Variants in BEND4 observed in about 807,000 individuals in gnomAD.
BEND4 encodes the protein BEN domain-containing protein 4.
In BEND4, 27 loss-of-function variants were observed where a neutral mutation model predicts 54.7. The ratio of observed to expected loss-of-function variants is 0.49; its 90% confidence interval spans 0.36 to 0.68. The LOEUF (loss-of-function observed/expected upper bound fraction) is 0.68, where lower values mean the gene tolerates loss of function less well. Among genes scored for constraint, BEND4 ranks in the 30% least tolerant of loss-of-function variants. The pLI, the probability that BEND4 is intolerant of heterozygous loss-of-function variation, is 0.00. For missense variants in BEND4, 702 were observed against 697.2 expected (o/e 1.01, Z -0.08); for synonymous variants, 327 against 299.5 (o/e 1.09, Z -0.95).
rs1359953255 is a variant in BEND4 at position 42,151,864 on chromosome 4, C to T, written c.280G>A (p.Ala94Thr). 5.3e-6 allele frequency: 7 copies of T among 1,313,504 alleles called. No individual in the cohort carries two copies. In the Admixed American group the frequency reaches 2.5e-4, roughly 47 times the overall value. The allele number at this position is 1,313,504 out of a possible 1,614,324, so 81.4% of individuals were successfully genotyped here. Reference sequence around the variant, plus strand: ...GGCGACGACGACGAAGCGGCGGCGGCGGCCCGGCCGGGCCCGGGGGGGTAG... The same window carrying T: ...GGCGACGACGACGAAGCGGCGGCGGTGGCCCGGCCGGGCCCGGGGGGGTAG... ...SSYPPGPGRA[A>T]AAASSSSPSC... is the part of the protein sequence containing the mutation. The change falls in exon 2 of 6, where the codon GCC becomes ACC. Residue 94 changes from alanine to threonine, a missense_variant. Coordinates refer to ENST00000502486, the MANE Select transcript of BEND4 (RefSeq NM_207406.4).
At chr4:42,149,490 C>T (rs1721187215) in intron 2 of BEND4, among the ~76,000 whole-genome samples, 2 of 152,184 alleles carry the variant, frequency 1.3e-5, no homozygotes, top group Admixed American at 6.5e-5. Context: ...ACGAGGGATC[C>T]AGCCCTTGGT....
chr4:42,128,912 G>C (rs1720403214), intron 3 of BEND4, among the ~76,000 whole-genome samples: 1 of 152,082 alleles, frequency 6.6e-6, no homozygotes, highest in Admixed American at 6.5e-5. Flanking sequence ...CTCCAGCTTG[G>C]GCGACTGAAT....
chr4:42,131,830 T>C (rs1166652731), intron 3 of BEND4, among the ~76,000 whole-genome samples: 4 of 151,350 alleles, frequency 2.6e-5, no homozygotes, highest in African/African-American at 9.7e-5. Context: ...CCAGGTGTTC[T>C]GAGTGCCTCC....
At chr4:42,150,394 T>A (rs1479054921) in intron 2 of BEND4, among the ~76,000 whole-genome samples, 1 of 152,212 alleles carries the variant, frequency 6.6e-6, no homozygotes, top group Non-Finnish European at 1.5e-5. Context: ...ATGCAACAGA[T>A]CAAGTCTTCA....
intron 4 of BEND4, among the ~76,000 whole-genome samples, chr4:42,123,702 A>AACAAAAAAACAAAAAC (rs71200210): frequency 0.14 from 20,610 of 144,386 alleles, 1,562 homozygotes; most frequent in African/African-American, 0.21. Context: ...CAGAAAAAAA[A>AACAAAAAAACAAAAAC]AAAAAAAAAA....
At chr4:42,128,553 G>A (rs1277815918) in intron 3 of BEND4, among the ~76,000 whole-genome samples, 2 of 151,806 alleles carry the variant, frequency 1.3e-5, no homozygotes, top group Non-Finnish European at 2.9e-5. Context: ...GAACCCGGGA[G>A]GCGGAGCTTG....
chr4:42,117,864 G>A (rs1240618987), intron 5 of BEND4, 129 bp from the exon 6 acceptor site: 9 of 639,998 alleles, frequency 1.4e-5, no homozygotes, highest in African/African-American at 7.4e-5. Context: ...GAAATCCAAC[G>A]CAATGCCATG....
intron 4 of BEND4, among the ~76,000 whole-genome samples, chr4:42,124,447 T>C (rs914323701): frequency 9.2e-5 from 14 of 151,810 alleles, no homozygotes; most frequent in African/African-American, 3.4e-4. Context: ...TGGAGAACAG[T>C]AGATGGAAAA....
In BEND4 at chr4:42,112,432, C is replaced by T. The variant is rs1038667633; in HGVS notation, c.*5086G>A. ...TCCAATGTGGCCAGGATACATCTGG[C>T]CACTTGTACTGGCCCAATTATTCCA... On this transcript the variant is annotated 3_prime_UTR_variant, in exon 6 of 6. Coordinates refer to ENST00000502486, the MANE Select transcript of BEND4 (RefSeq NM_207406.4). 6.6e-6 allele frequency: 1 copy of T among 152,170 alleles called. No homozygotes were observed. The highest frequency in any genetic ancestry group is 1.5e-5 in the Non-Finnish European group (1 of 68,040). The allele number at this position is 152,170 out of a possible 1,614,324, so 9.4% of individuals were successfully genotyped here. A position where few individuals can be genotyped will look rare whatever the true frequency, so the allele number is the denominator to read the frequency against.
At chr4:42,145,561 G>A (rs549019795) in intron 2 of BEND4, among the ~76,000 whole-genome samples, 15 of 151,892 alleles carry the variant, frequency 9.9e-5, no homozygotes, top group Admixed American at 3.3e-4. Flanking sequence ...ACATGGTGGC[G>A]CGCACCTGTA....
rs376472165 is a variant in BEND4, at chr4:42,152,569, T to G, written c.-271A>C. The G allele has an allele frequency of 2.2e-3, 344 of 153,188 alleles. 3 individuals are homozygous for G. The highest frequency in any genetic ancestry group is 8.0e-3 in the African/African-American group (331 of 41,384). 9.5% of individuals were successfully genotyped at this position (153,188 alleles called of 1,614,324 possible). On this transcript the variant is annotated 5_prime_UTR_variant, in exon 1 of 6. Coordinates refer to ENST00000502486, the MANE Select transcript of BEND4 (RefSeq NM_207406.4). Reference sequence around the variant, plus strand: ...CGGGAACTGGTGAAGAAGGTGGGGATCCGGGATCTGGCTACGGCGAGACTT... The same window carrying G: ...CGGGAACTGGTGAAGAAGGTGGGGAGCCGGGATCTGGCTACGGCGAGACTT...
rs778841413 is a variant in BEND4, at chr4:42,112,453, T to A, written c.*5065A>T. 3 of 152,204 alleles carry A rather than the reference T, an allele frequency of 2.0e-5. No individual in the cohort carries two copies. Among genetic ancestry groups the A allele is most frequent in the African/African-American group, 4.8e-5 (2 of 41,442 alleles). The allele number at this position is 152,204 out of a possible 1,614,324, so 9.4% of individuals were successfully genotyped here. On this transcript the variant is annotated 3_prime_UTR_variant, in exon 6 of 6. Transcript: ENST00000502486. ...CTGGCCACTTGTACTGGCCCAATTATTCCAAGAATAAAGAGGTTTTCAAAT... is the reference window on the plus strand; with the variant it reads ...CTGGCCACTTGTACTGGCCCAATTAATCCAAGAATAAAGAGGTTTTCAAAT...
chr4:42,128,962 T>G (rs1251997326), intron 3 of BEND4, among the ~76,000 whole-genome samples: 3 of 152,102 alleles, frequency 2.0e-5, no homozygotes, highest in Non-Finnish European at 4.4e-5. Flanking sequence ...AGAAAGCTTA[T>G]TCAAATAGGA....
intron 3 of BEND4, among the ~76,000 whole-genome samples, chr4:42,132,747 A>T (rs1187446977): frequency 1.3e-5 from 2 of 151,964 alleles, no homozygotes; most frequent in Non-Finnish European, 2.9e-5. Context: ...ACCCAGCCTA[A>T]ATTAGGAATT....
intron 3 of BEND4, 55 bp downstream of exon 3, chr4:42,143,373 G>T: frequency 7.3e-7 from 1 of 1,376,610 alleles, no homozygotes; most frequent in South Asian, 1.2e-5. Flanking sequence ...AGACAGATGA[G>T]ACAAGTGAAA....
At chr4:42,122,363 G>C (rs577340139) in intron 4 of BEND4, among the ~76,000 whole-genome samples, 2 of 152,196 alleles carry the variant, frequency 1.3e-5, no homozygotes, top group Non-Finnish European at 2.9e-5. Context: ...AAAAGCTTAT[G>C]AGGGCTGGGA....
At position 42,112,345 on chromosome 4, in the gene BEND4, A is replaced by G. The variant is rs893031404; in HGVS notation, c.*5173T>C. 1 of 152,242 alleles carries G rather than the reference A, an allele frequency of 6.6e-6. No individual in the cohort carries two copies. Among genetic ancestry groups the G allele is most frequent in the African/African-American group, 2.4e-5 (1 of 41,472 alleles). The allele number at this position is 152,242 out of a possible 1,614,324, so 9.4% of individuals were successfully genotyped here. A position where few individuals can be genotyped will look rare whatever the true frequency, so the allele number is the denominator to read the frequency against. On this transcript the variant is annotated 3_prime_UTR_variant, in exon 6 of 6. Transcript: ENST00000502486. Reference sequence around the variant, plus strand: ...TGTCACACAATAACTCAATAGATAGATATTAACTATAGTTACTACTGTTGT... The same window carrying G: ...TGTCACACAATAACTCAATAGATAGGTATTAACTATAGTTACTACTGTTGT...
chr4:42,117,853 G>A, intron 5 of BEND4, 118 bp from the exon 6 acceptor site: 1 of 680,920 alleles, frequency 1.5e-6, no homozygotes, highest in Non-Finnish European at 2.5e-6. Context: ...AAGCTTTATG[G>A]GAAATCCAAC....
rs374201211 is a variant in BEND4 at position 42,143,705 on chromosome 4, C to T, written c.777G>A (p.Ser259=). 20 of 1,613,846 alleles carry T rather than the reference C, an allele frequency of 1.2e-5. No individual in the cohort carries two copies. The highest frequency in any genetic ancestry group is 1.7e-5 in the Admixed American group (1 of 59,994). The change falls in exon 3 of 6, where the codon TCG becomes TCA. Residue 259 remains serine, a synonymous_variant. Transcript: ENST00000502486. The part of the protein sequence containing the change: ...FTDSLQNYLL[S]GSFPTPNPSS... Reference sequence around the variant, plus strand: ...AGGGGTTTGGAGTTGGAAAGCTTCCCGAGAGCAGGTAATTTTGTAGAGAGT... The same window carrying T: ...AGGGGTTTGGAGTTGGAAAGCTTCCTGAGAGCAGGTAATTTTGTAGAGAGT...
Sources: allele counts gnomAD v4.1 joint callset (sites outside exome capture counted in the v4.1 genomes callset), GRCh38; gene constraint gnomAD v4.1.1; transcripts MANE v1.5; gene names NCBI Gene and HGNC (gene_info 2026-07-23, HGNC 2026-07-21).